GOLGA3: variants seen among roughly 807,000 people sequenced by gnomAD.
GOLGA3 encodes golgin subfamily A member 3.
GOLGA3 carries 75 observed loss-of-function variants against 169.4 expected under a neutral mutation model. The ratio of observed to expected loss-of-function variants is 0.44; its 90% CI spans 0.37 to 0.54. The LOEUF is 0.54. GOLGA3 is among the 20% of genes least tolerant of loss of function. GOLGA3 has a pLI of 0.00. For synonymous variants in GOLGA3, 824 were observed against 822.4 expected (o/e 1.00, Z -0.03); for missense variants, 1,899 against 1,930.0 (o/e 0.98, Z 0.30).
intron 23 of GOLGA3, 86 bp downstream of exon 23, chr12:132,774,071 C>T (rs997689502): frequency 1.0e-5 from 13 of 1,279,934 alleles, no homozygotes; most frequent in African/African-American, 1.5e-5. Flanking sequence ...GCTGGGCACT[C>T]AGTACTGGCA....
intron 17 of GOLGA3, 35 bp from the exon 18 acceptor site, chr12:132,780,949 A>C: frequency 6.7e-7 from 1 of 1,491,258 alleles, no homozygotes. Flanking sequence ...ATAAGGAAGG[A>C]CGTCGAATTA....
In GOLGA3 at chr12:132,804,705, G is replaced by A. The variant is rs1566116619; in HGVS notation, c.1597+11C>T. The A allele has an allele frequency of 3.7e-6, 6 of 1,602,546 alleles. No homozygotes were observed. The highest frequency in any genetic ancestry group is 4.3e-6 in the Non-Finnish European group (5 of 1,171,620). On this transcript the variant is annotated intron_variant, in intron 7 of 23. Transcript: ENST00000450791. The surrounding 1 kb of genome is among the most constrained non-coding windows in gnomAD (Gnocchi z 4.1). ...TCAGGGAGGGGAGGGCGTGGCCAGG[G>A]CCAGCCTCACCTGTGTTGTCCTTGC...
chr12:132,826,298 G>C lies in GOLGA3; in HGVS notation c.-184+2505C>G, dbSNP rs1950414704. 4 of 811,490 alleles carry C rather than the reference G, an allele frequency of 4.9e-6. 1 individual carries two copies. In the South Asian group the frequency reaches 7.5e-5, roughly 15 times the overall value. 50.3% of individuals were successfully genotyped at this position (811,490 alleles called of 1,614,324 possible). A position where few individuals can be genotyped will look rare whatever the true frequency, so the allele number is the denominator to read the frequency against. On this transcript the variant is annotated intron_variant, in intron 1 of 23. Coordinates refer to ENST00000450791, the MANE Select transcript of GOLGA3 (RefSeq NM_001389683.1). ...AGCATCACGGCCACGGCCCAGACAG[G>C]CACCACCACCTGAACAGAAGGAAGG...
rs1566052576 is a variant in GOLGA3, at chr12:132,769,221, A to G, written c.*3884T>C. On this transcript the variant is annotated 3_prime_UTR_variant, in exon 24 of 24. Transcript: ENST00000450791. ...GTGAGCTCAGAACACCTCACACCAC[A>G]GCGTCACTCAACTCAAGTCCCTCCT... 1 of 151,702 alleles carries G rather than the reference A, an allele frequency of 6.6e-6. No homozygotes were observed. Among genetic ancestry groups the G allele is most frequent in the Non-Finnish European group, 1.5e-5 (1 of 67,750 alleles). The allele number at this position is 151,702 out of a possible 1,614,324, so 9.4% of individuals were successfully genotyped here. A position where few individuals can be genotyped will look rare whatever the true frequency, so the allele number is the denominator to read the frequency against.
At chr12:132,814,403 A>G (rs1369361773) in intron 3 of GOLGA3, among the ~76,000 whole-genome samples, 2 of 152,128 alleles carry the variant, frequency 1.3e-5, no homozygotes, top group Non-Finnish European at 2.9e-5. Context: ...CTCAGCTCTC[A>G]CCACGCTGCA....
intron 3 of GOLGA3, among the ~76,000 whole-genome samples, chr12:132,813,684 G>T (rs1401071511): frequency 1.3e-5 from 2 of 151,592 alleles, no homozygotes; most frequent in African/African-American, 4.8e-5. Context: ...CCCACCTGGG[G>T]CATTCCCCTG....
At chr12:132,779,712 C>CA (rs1327759315) in intron 18 of GOLGA3, among the ~76,000 whole-genome samples, 1 of 150,744 alleles carries the variant, frequency 6.6e-6, no homozygotes, top group African/African-American at 2.4e-5. Context: ...CAAATGCATG[C>CA]ACACACACCA....
intron 12 of GOLGA3, 65 bp downstream of exon 12, chr12:132,791,151 T>C: frequency 1.3e-6 from 1 of 772,632 alleles, no homozygotes; most frequent in South Asian, 1.5e-5. Flanking sequence ...TGCTAAGCAA[T>C]TAAACCACAG....
At chr12:132,821,729 C>CT (rs1383961478) in intron 2 of GOLGA3, among the ~76,000 whole-genome samples, 1 of 150,384 alleles carries the variant, frequency 6.6e-6, no homozygotes, top group Non-Finnish European at 1.5e-5. Context: ...TGGCGGGCGC[C>CT]TGTAATCCCA....
chr12:132,814,508 G>A (rs1174404429), intron 3 of GOLGA3, among the ~76,000 whole-genome samples: 7 of 152,360 alleles, frequency 4.6e-5, no homozygotes, highest in East Asian at 3.9e-4. Context: ...AGCCACAGGA[G>A]CTCAGCCGTC....
chr12:132,801,710 C>T (rs923948474), intron 8 of GOLGA3, 57 bp downstream of exon 8: 36 of 1,482,782 alleles, frequency 2.4e-5, no homozygotes, highest in Middle Eastern at 1.7e-4. Flanking sequence ...GAAAAAGCAC[C>T]GTTCTACATG....
intron 2 of GOLGA3, 66 bp from the exon 3 acceptor site, chr12:132,816,878 T>C: frequency 7.2e-7 from 1 of 1,389,174 alleles, no homozygotes; most frequent in East Asian, 2.4e-5. Context: ...TTTTCAGACA[T>C]GCAGCTGGAG....
At position 132,804,603 on chromosome 12, in the gene GOLGA3, C is replaced by T; in HGVS notation, c.1597+113G>A. The T allele has an allele frequency of 3.6e-6, 3 of 841,394 alleles. No homozygotes were observed. The highest frequency in any genetic ancestry group is 3.8e-6 in the Non-Finnish European group (2 of 525,844). 52.1% of individuals were successfully genotyped at this position (841,394 alleles called of 1,614,324 possible). ...GACCAGTCGAGGAAGGAGGAGGGAG[C>T]AGCAAGGACCAGTCAGGGAAGGAGG... On this transcript the variant is annotated intron_variant, in intron 7 of 23. Coordinates refer to ENST00000450791, the MANE Select transcript of GOLGA3 (RefSeq NM_001389683.1). This position sits in a 1 kb window ranked among gnomAD's most constrained non-coding sequence, Gnocchi z 4.1.
At chr12:132,773,740 C>T (rs1484971486) in intron 23 of GOLGA3, among the ~76,000 whole-genome samples, 2 of 151,598 alleles carry the variant, frequency 1.3e-5, no homozygotes, top group Non-Finnish European at 2.9e-5. Context: ...ATATAAACCT[C>T]AGAGGCTGTG....
Position 132,808,433 on chromosome 12 carries a change from G to A in GOLGA3, c.636C>T (p.Phe212=), listed in dbSNP as rs752414046. 5 of 1,614,160 alleles carry A rather than the reference G, an allele frequency of 3.1e-6. No individual in the cohort carries two copies. Among genetic ancestry groups the A allele is most frequent in the East Asian group, 4.5e-5 (2 of 44,882 alleles). Residue 212 remains phenylalanine (F), a synonymous_variant, in exon 5 of 24, where the codon TTC becomes TTT. Transcript: ENST00000450791. ...GCCCCCGAGGGACACTGGTGCGCAGGAAGGAATATTCTTTTGTCATAGCCA... is the reference window on the plus strand; with the variant it reads ...GCCCCCGAGGGACACTGGTGCGCAGAAAGGAATATTCTTTTGTCATAGCCA... ...STLAMTKEYS[F]LRTSVPRGPK... is the part of the protein sequence containing the mutation.
At chr12:132,816,124 G>C (rs943622694) in intron 3 of GOLGA3, among the ~76,000 whole-genome samples, 7 of 152,244 alleles carry the variant, frequency 4.6e-5, no homozygotes, top group Non-Finnish European at 8.8e-5. Flanking sequence ...CATGAACCCA[G>C]GAGGCGGAGA....
chr12:132,774,189 G>A lies in GOLGA3; in HGVS notation c.4275C>T (p.Leu1425=). ...RPPPAVSKEP[L]KNLNSCLQQL... is the part of the protein sequence containing the mutation. ...GCTGGAGGCAGCTGTTCAGGTTCTTGAGGGGCTCCTTGCTCACGGCGGGCG... is the reference window on the plus strand; with the variant it reads ...GCTGGAGGCAGCTGTTCAGGTTCTTAAGGGGCTCCTTGCTCACGGCGGGCG... The change falls in exon 23 of 24, where the codon CTC becomes CTT. Residue 1425 remains leucine, a synonymous_variant. Coordinates refer to ENST00000450791, the MANE Select transcript of GOLGA3 (RefSeq NM_001389683.1). The A allele has an allele frequency of 6.2e-7, 1 of 1,611,144 alleles. No individual in the cohort carries two copies. Among genetic ancestry groups the A allele is most frequent in the Non-Finnish European group, 8.5e-7 (1 of 1,178,600 alleles).
intron 9 of GOLGA3, 113 bp downstream of exon 9, chr12:132,798,227 A>G: frequency 2.0e-6 from 2 of 989,252 alleles, no homozygotes; most frequent in Non-Finnish European, 2.9e-6. Context: ...CCCGCCATCC[A>G]TGAGAATATT....
chr12:132,791,051 A>AAC, intron 12 of GOLGA3, among the ~76,000 whole-genome samples, 165 bp downstream of exon 12: 1 of 16,920 alleles, frequency 5.9e-5, no homozygotes, highest in South Asian at 1.9e-3. Flanking sequence ...ACTCCGTCTC[A>AAC]AAAAAAAAAA....
Sources: allele counts gnomAD v4.1 joint callset (sites outside exome capture counted in the v4.1 genomes callset), GRCh38; gene constraint gnomAD v4.1.1; non-coding constraint Gnocchi (gnomAD v3.1); transcripts MANE v1.5; gene names NCBI Gene and HGNC (gene_info 2026-07-23, HGNC 2026-07-21).